The following ALK variants were observed in gnomAD, a reference collection of about 807,000 sequenced individuals.
ALK encodes ALK receptor tyrosine kinase, also known as ALK tyrosine kinase receptor.
A neutral mutation model predicts 163.1 loss-of-function variants in ALK; 74 were observed. The observed-to-expected ratio is 0.45, with a 90% CI of 0.38 to 0.55. ALK has a LOEUF of 0.55. ALK is among the 20% of genes least tolerant of loss of function. ALK has a pLI of 0.00. For missense variants in ALK, 2,063 were observed against 2,105.3 expected, an observed-to-expected ratio of 0.98 and a Z score of 0.39; for synonymous variants, 960 against 843.2, an observed-to-expected ratio of 1.14 and a Z score of -2.40.
intron 19 of ALK, 140 bp from the exon 20 acceptor site, chr2:29,223,668 C>G (rs1207305630): frequency 1.4e-6 from 1 of 721,204 alleles, no homozygotes; most frequent in South Asian, 1.7e-5. Flanking sequence ...CTTAGAAATA[C>G]TAATAAAATG....
intron 26 of ALK, among the ~76,000 whole-genome samples, chr2:29,201,719 G>C (rs549303764): frequency 6.6e-5 from 10 of 151,656 alleles, no homozygotes; most frequent in Admixed American, 2.6e-4. Context: ...CCTAGGAGGC[G>C]GAGGTTGCAG....
intron 1 of ALK, among the ~76,000 whole-genome samples, chr2:29,775,442 C>T (rs1466009919): frequency 6.6e-6 from 1 of 151,832 alleles, no homozygotes; most frequent in Admixed American, 6.6e-5. Context: ...CTGCATACCA[C>T]ATGAATGAAG....
intron 1 of ALK, among the ~76,000 whole-genome samples, chr2:29,857,427 AAT>A (rs371098083): frequency 6.6e-6 from 1 of 152,324 alleles, no homozygotes; most frequent in Non-Finnish European, 1.5e-5. Context: ...AATACAAACC[AAT>A]GAGATGATCC....
At chr2:29,602,338 C>A (rs1364993104) in intron 3 of ALK, among the ~76,000 whole-genome samples, 1 of 152,078 alleles carries the variant, frequency 6.6e-6, no homozygotes, top group Non-Finnish European at 1.5e-5. Flanking sequence ...AGGGTCAGGC[C>A]TGGGGAGGAC....
chr2:29,272,384 A>T (rs1665415942), intron 11 of ALK, among the ~76,000 whole-genome samples: 2 of 152,214 alleles, frequency 1.3e-5, no homozygotes, highest in African/African-American at 4.8e-5. Flanking sequence ...AGAATGCTGC[A>T]TGAAGCACCT....
intron 1 of ALK, among the ~76,000 whole-genome samples, chr2:29,785,023 G>C (rs1430963095): frequency 6.6e-6 from 1 of 152,052 alleles, no homozygotes; most frequent in African/African-American, 2.4e-5. Context: ...CCACTGACAA[G>C]AAGTATCCCT....
At chr2:29,865,567 T>A (rs1666412758) in intron 1 of ALK, among the ~76,000 whole-genome samples, 1 of 152,136 alleles carries the variant, frequency 6.6e-6, no homozygotes, top group Non-Finnish European at 1.5e-5. Context: ...CCAACACAAC[T>A]CAGTCCTGCC....
chr2:29,449,584 G>A (rs1664150167), intron 4 of ALK, among the ~76,000 whole-genome samples: 1 of 152,184 alleles, frequency 6.6e-6, no homozygotes, highest in Admixed American at 6.5e-5. Flanking sequence ...CTTCACCTGG[G>A]CATGCAACTT....
intron 1 of ALK, among the ~76,000 whole-genome samples, chr2:29,899,352 C>T (rs992634471): frequency 3.9e-5 from 6 of 152,132 alleles, no homozygotes; most frequent in African/African-American, 1.4e-4. Flanking sequence ...TTGCCCCCTG[C>T]AAGCAGCTGT....
chr2:29,875,218 A>C (rs1666673669), intron 1 of ALK, among the ~76,000 whole-genome samples: 1 of 152,182 alleles, frequency 6.6e-6, no homozygotes, highest in Non-Finnish European at 1.5e-5. Flanking sequence ...CATGCAAATA[A>C]ATAGAGACAG....
chr2:29,275,186 A>G lies in ALK; in HGVS notation c.1954T>C (p.Ser652Pro), dbSNP rs2148215120. 6.2e-7 allele frequency: 1 copy of G among 1,613,986 alleles called. No homozygotes were observed. The highest frequency in any genetic ancestry group is 8.5e-7 in the Non-Finnish European group (1 of 1,180,006). ...GGGTTTCTCTCAAACAGGTTTCTTG[A>G]TTTGGGTGCTGTATTCTGCAGGATC... is the stretch of plus-strand genomic sequence containing the variant. Reference protein sequence around the residue: ...DKILQNTAPKSRNLFERNPNK... With the variant: ...DKILQNTAPKPRNLFERNPNK... The change falls in exon 11 of 29, where the codon TCA (serine) becomes CCA (proline). Residue 652 changes from serine (S) to proline (P), a missense_variant. Physicochemically the swap from Ser to Pro is moderately conservative, Grantham distance 74. Around this residue, in one of 5 missense-constraint regions of ALK, gnomAD observed 987 missense variants for 939.5 expected, o/e 1.05. Coordinates refer to ENST00000389048, the MANE Select transcript of ALK (RefSeq NM_004304.5).
At chr2:29,915,273 G>T (rs1667804727) in intron 1 of ALK, among the ~76,000 whole-genome samples, 1 of 152,130 alleles carries the variant, frequency 6.6e-6, no homozygotes, top group Admixed American at 6.5e-5. Context: ...TCACTCTGTT[G>T]CCCAGGCTGA....
At chr2:29,804,396 A>G (rs1664557980) in intron 1 of ALK, among the ~76,000 whole-genome samples, 1 of 152,240 alleles carries the variant, frequency 6.6e-6, no homozygotes, top group Admixed American at 6.5e-5. Flanking sequence ...CCTGAAGCCT[A>G]ACACGGACTA....
rs530220612 is a variant in ALK at position 29,659,028 on chromosome 2, A to G, written c.952+35822T>C. Among the ~76,000 whole-genome samples the G allele has an allele frequency of 4.3e-4, 65 of 152,270 alleles. 1 individual carries two copies. The highest frequency in any genetic ancestry group is 1.3e-3 in the African/African-American group (53 of 41,566). The stretch of plus-strand genomic sequence containing the variant: ...AACCCATGTATCTCACTGGGCTTTC[A>G]GAATTGTCCTCCCTCCCCTCCCCTT... On this transcript the variant is annotated intron_variant, in intron 3 of 28. Coordinates refer to ENST00000389048, the MANE Select transcript of ALK (RefSeq NM_004304.5).
rs571757547 is a variant in ALK, at chr2:29,574,608, C to A, written c.953-42492G>T. Among the ~76,000 whole-genome samples the A allele has an allele frequency of 5.9e-5, 9 of 152,360 alleles. No homozygotes were observed. In the South Asian group the frequency reaches 1.9e-3, roughly 32 times the overall value. On this transcript the variant is annotated intron_variant, in intron 3 of 28. Transcript: ENST00000389048. Reference sequence around the variant, plus strand: ...GGTATGAAGCGCCTCTTGGCAGGACCTTGTTAATGAAGATTTGGTGAGAAA... The same window carrying A: ...GGTATGAAGCGCCTCTTGGCAGGACATTGTTAATGAAGATTTGGTGAGAAA...
chr2:29,273,922 T>A (rs1665460291), intron 11 of ALK, among the ~76,000 whole-genome samples: 1 of 152,104 alleles, frequency 6.6e-6, no homozygotes, highest in Non-Finnish European at 1.5e-5. Flanking sequence ...TGGCATGAAC[T>A]GGGAGGTGAG....
At chr2:29,556,098 G>T (rs947997875) in intron 3 of ALK, among the ~76,000 whole-genome samples, 1 of 152,144 alleles carries the variant, frequency 6.6e-6, no homozygotes, top group Non-Finnish European at 1.5e-5. Context: ...CTGGCATCAG[G>T]AATTTGTACC....
rs373174245 is a variant in ALK, at chr2:29,671,477, C to T, written c.952+23373G>A. Among the ~76,000 whole-genome samples the T allele has an allele frequency of 1.2e-4, 19 of 152,166 alleles. No individual in the cohort carries two copies. The East Asian group carries it at 3.3e-3, about 26-fold the overall frequency. ...ATGCCCATCCTTAGGGATATTTTTC[C>T]CTTTAGACAATCACAATGCTTCCTG... On this transcript the variant is annotated intron_variant, in intron 3 of 28. Coordinates refer to ENST00000389048, the MANE Select transcript of ALK (RefSeq NM_004304.5).
At chr2:29,580,972 G>T (rs1021888877) in intron 3 of ALK, among the ~76,000 whole-genome samples, 1 of 152,180 alleles carries the variant, frequency 6.6e-6, no homozygotes. Flanking sequence ...GGTGGACATG[G>T]GGTGCCTCTT....
Sources: allele counts gnomAD v4.1 joint callset (sites outside exome capture counted in the v4.1 genomes callset), GRCh38; gene constraint gnomAD v4.1.1; regional missense constraint gnomAD v4.1.1; transcripts MANE v1.5; gene names NCBI Gene and HGNC (gene_info 2026-07-23, HGNC 2026-07-21).